The following UTP4 variants were observed in gnomAD, a reference collection of about 807,000 sequenced individuals.
The protein encoded by UTP4 is U3 small nucleolar RNA-associated protein 4 homolog.
A neutral mutation model predicts 82.4 loss-of-function variants in UTP4; 45 were observed. The ratio of observed to expected loss-of-function variants is 0.55; its 90% CI spans 0.43 to 0.70. The LOEUF (loss-of-function observed/expected upper bound fraction) is 0.70, where lower values mean the gene tolerates loss of function less well. Ranked by LOEUF, UTP4 falls within the 30% of genes least tolerant of loss-of-function variation. The probability of loss-of-function intolerance (pLI) is 0.00; values close to 1 mark genes in which losing one functional copy is unlikely to be tolerated. For synonymous variants in UTP4, 348 were observed against 300.3 expected, an observed-to-expected ratio of 1.16 and a Z score of -1.64; for missense variants, 819 against 858.3, an observed-to-expected ratio of 0.95 and a Z score of 0.57.
intron 12 of UTP4, among the ~76,000 whole-genome samples, chr16:69,158,898 C>G: frequency 6.6e-6 from 1 of 152,230 alleles, no homozygotes; most frequent in Admixed American, 6.6e-5. Flanking sequence ...ATTTTTATCC[C>G]ACACTAGTTG....
chr16:69,139,813 C>T lies in UTP4; in HGVS notation c.437-12C>T, dbSNP rs762252749. ...GTATGTCACTTTCTTTTTTTGTTGTCCAACTCCCAAGGTCGCATCCTGAGT... is the reference window on the plus strand; with the variant it reads ...GTATGTCACTTTCTTTTTTTGTTGTTCAACTCCCAAGGTCGCATCCTGAGT... On this transcript the variant is annotated splice_polypyrimidine_tract_variant and intron_variant, in intron 4 of 16. Coordinates refer to ENST00000314423, the MANE Select transcript of UTP4 (RefSeq NM_032830.3). 13 of 1,602,160 alleles carry T rather than the reference C, an allele frequency of 8.1e-6. No individual in the cohort carries two copies. In the South Asian group the frequency reaches 1.3e-4, roughly 16 times the overall value.
rs1167858060 is a variant in UTP4, at chr16:69,167,133, A to G, written c.1892A>G (p.Asp631Gly). 1.9e-6 allele frequency: 3 copies of G among 1,614,022 alleles called. No homozygotes were observed. The highest frequency in any genetic ancestry group is 1.7e-5 in the Admixed American group (1 of 60,016). Reference sequence around the variant, plus strand: ...CCATTTCCTCCCACGAATGAATCAGATGTCATCCGGAGGCGCACAGCTCAT... The same window carrying G: ...CCATTTCCTCCCACGAATGAATCAGGTGTCATCCGGAGGCGCACAGCTCAT... Reference protein sequence around the residue: ...YNPFPPTNESDVIRRRTAHAF... With the variant: ...YNPFPPTNESGVIRRRTAHAF... The change falls in exon 16 of 17, where the codon GAT becomes GGT. Residue 631 changes from aspartate (D) to glycine (G), a missense_variant. Coordinates refer to ENST00000314423, the MANE Select transcript of UTP4 (RefSeq NM_032830.3).
At chr16:69,163,764 G>A (rs1963625227) in intron 14 of UTP4, among the ~76,000 whole-genome samples, 1 of 151,502 alleles carries the variant, frequency 6.6e-6, no homozygotes, top group South Asian at 2.1e-4. Context: ...TAATTCATCT[G>A]TAAAATTGGA....
At chr16:69,141,615 G>C (rs998250415) in intron 5 of UTP4, among the ~76,000 whole-genome samples, 3 of 151,974 alleles carry the variant, frequency 2.0e-5, no homozygotes, top group Non-Finnish European at 4.4e-5. Flanking sequence ...CAATACCCAC[G>C]TCCTTCAGTT....
At chr16:69,146,351 T>C (rs1438057734) in intron 6 of UTP4, among the ~76,000 whole-genome samples, 2 of 152,206 alleles carry the variant, frequency 1.3e-5, no homozygotes, top group Non-Finnish European at 1.5e-5. Flanking sequence ...GTCACCTCTA[T>C]TCTACTTTCT....
intron 6 of UTP4, among the ~76,000 whole-genome samples, chr16:69,149,924 C>G (rs1287798471): frequency 6.6e-6 from 1 of 152,024 alleles, no homozygotes. Flanking sequence ...CGACGGGGTT[C>G]ACCATGTTGG....
intron 2 of UTP4, among the ~76,000 whole-genome samples, chr16:69,134,335 C>T (rs926953208): frequency 2.6e-5 from 4 of 151,938 alleles, no homozygotes; most frequent in Admixed American, 1.3e-4. Context: ...AAATGTTTCT[C>T]GGTGAATGAG....
chr16:69,151,023 T>C, intron 8 of UTP4, 119 bp downstream of exon 8: 2 of 787,062 alleles, frequency 2.5e-6, no homozygotes, highest in South Asian at 2.9e-5. Context: ...TTTTTTTTTT[T>C]TGAGACAGAG....
intron 6 of UTP4, among the ~76,000 whole-genome samples, chr16:69,144,769 T>C (rs903569803): frequency 5.9e-5 from 9 of 152,302 alleles, no homozygotes; most frequent in Admixed American, 5.9e-4. Flanking sequence ...ATAATAGTGG[T>C]ATAAGTTGAA....
At chr16:69,136,198 G>T (rs965676647) in intron 2 of UTP4, among the ~76,000 whole-genome samples, 1 of 152,040 alleles carries the variant, frequency 6.6e-6, no homozygotes, top group Non-Finnish European at 1.5e-5. Flanking sequence ...TTCCTTTTTC[G>T]TCAAGCAGGT....
Position 69,132,681 on chromosome 16 carries a change from G to A in UTP4, c.-11G>A, listed in dbSNP as rs1962650037. ...GGCGAGCACCGGGAAGGGGAGCGTG[G>A]GGCCGCTGGTGAGTTGGGGAAGGGG... On this transcript the variant is annotated 5_prime_UTR_variant, in exon 1 of 17. Coordinates refer to ENST00000314423, the MANE Select transcript of UTP4 (RefSeq NM_032830.3). The A allele has an allele frequency of 9.0e-6, 3 of 333,394 alleles. No homozygotes were observed. Among genetic ancestry groups the A allele is most frequent in the Non-Finnish European group, 1.2e-5 (2 of 171,564 alleles). 20.7% of individuals were successfully genotyped at this position (333,394 alleles called of 1,614,324 possible). A position where few individuals can be genotyped will look rare whatever the true frequency, so the allele number is the denominator to read the frequency against.
chr16:69,162,996 ATT>A, intron 13 of UTP4, 85 bp from the exon 14 acceptor site: 1 of 1,047,288 alleles, frequency 9.5e-7, no homozygotes, highest in Non-Finnish European at 1.5e-6. Context: ...GAGGAGCAGT[ATT>A]TAAACCCCTG....
intron 1 of UTP4, 65 bp from the exon 2 acceptor site, chr16:69,133,393 T>G (rs543163977): frequency 6.6e-7 from 1 of 1,504,450 alleles, no homozygotes; most frequent in African/African-American, 1.4e-5. Flanking sequence ...ATTAAGGAAC[T>G]GAATACTATA....
chr16:69,147,441 G>T (rs1483422905), intron 6 of UTP4, among the ~76,000 whole-genome samples: 1 of 151,952 alleles, frequency 6.6e-6, no homozygotes, highest in Non-Finnish European at 1.5e-5. Context: ...GGAGGCGGAG[G>T]TTGCAGTGAT....
chr16:69,164,598 A>ATC (rs996006804), intron 14 of UTP4, among the ~76,000 whole-genome samples: 1 of 143,098 alleles, frequency 7.0e-6, no homozygotes, highest in Non-Finnish European at 1.5e-5. Flanking sequence ...ATATATATAT[A>ATC]TATATATATA....
intron 6 of UTP4, among the ~76,000 whole-genome samples, chr16:69,148,328 T>C (rs7198842): frequency 0.32 from 47,772 of 150,688 alleles, 8,140 homozygotes; most frequent in African/African-American, 0.45. Flanking sequence ...AACCCCTGAC[T>C]TCAAGTGATC....
At chr16:69,133,371 C>G in intron 1 of UTP4, 87 bp from the exon 2 acceptor site, 1 of 1,335,696 alleles carries the variant, frequency 7.5e-7, no homozygotes, top group South Asian at 1.2e-5. Flanking sequence ...GCCTTCCAGC[C>G]AGAACAGTGA....
intron 6 of UTP4, 23 bp downstream of exon 6, chr16:69,143,412 G>A: frequency 6.2e-7 from 1 of 1,603,830 alleles, no homozygotes; most frequent in Non-Finnish European, 8.5e-7. Context: ...CCTGTTTAGA[G>A]TGGTTGATGT....
chr16:69,158,296 C>G (rs1438423750), intron 12 of UTP4, among the ~76,000 whole-genome samples: 1 of 150,442 alleles, frequency 6.6e-6, no homozygotes, highest in Non-Finnish European at 1.5e-5. Flanking sequence ...CCTCAGCCTC[C>G]CAAGTACACA....
Sources: allele counts gnomAD v4.1 joint callset (sites outside exome capture counted in the v4.1 genomes callset), GRCh38; gene constraint gnomAD v4.1.1; transcripts MANE v1.5; gene names NCBI Gene and HGNC (gene_info 2026-07-23, HGNC 2026-07-21).